LRRC37A2: variants seen among roughly 807,000 people sequenced by gnomAD.
LRRC37A2 encodes the protein leucine-rich repeat-containing protein 37A2.
In LRRC37A2, 9 loss-of-function variants were observed where a neutral mutation model predicts 68.8. The ratio of observed to expected loss-of-function variants is 0.13; its 90% CI spans 0.08 to 0.23. The LOEUF (loss-of-function observed/expected upper bound fraction) is 0.23. LRRC37A2 is among the 10% of genes least tolerant of loss of function. The probability of loss-of-function intolerance (pLI) is 1.00; values close to 1 mark genes in which losing one functional copy is unlikely to be tolerated. For synonymous variants in LRRC37A2, 63 were observed against 367.6 expected (o/e 0.17, Z 9.48); for missense variants, 168 against 950.4 (o/e 0.18, Z 10.82).
the LRRC37A2 span, among the ~76,000 whole-genome samples, chr17:46,994,296 A>G: frequency 6.6e-6 from 1 of 152,042 alleles, no homozygotes; most frequent in Non-Finnish European, 1.5e-5. Flanking sequence ...GAGGCAGAAG[A>G]ATCACTTGAG....
At chr17:46,734,753 A>G in the LRRC37A2 span, among the ~76,000 whole-genome samples, 1 of 152,186 alleles carries the variant, frequency 6.6e-6, no homozygotes, top group Non-Finnish European at 1.5e-5. Context: ...TTAATTTCAA[A>G]TGTATCAAAA....
At chr17:46,755,423 T>A in the LRRC37A2 span, 1 of 1,360,472 alleles carries the variant, frequency 7.4e-7, no homozygotes, top group Admixed American at 1.7e-5. Context: ...CCCTGTTAAA[T>A]CCCTGTGCCT....
chr17:46,728,389 A>AT, the LRRC37A2 span, among the ~76,000 whole-genome samples: 16 of 151,614 alleles, frequency 1.1e-4, no homozygotes, highest in Non-Finnish European at 1.8e-4. Context: ...TACACCTGGA[A>AT]TTTTTTTTTC....
the LRRC37A2 span, among the ~76,000 whole-genome samples, chr17:46,832,239 A>G: frequency 6.6e-6 from 1 of 152,140 alleles, no homozygotes. Context: ...TCCAGAACAC[A>G]AAGCCTCCTC....
chr17:46,884,991 C>T, the LRRC37A2 span: 2 of 435,162 alleles, frequency 4.6e-6, no homozygotes, highest in Admixed American at 2.6e-5. Flanking sequence ...TTTATATTTC[C>T]TTAGCTTTTT....
At chr17:46,760,549 A>G in the LRRC37A2 span, among the ~76,000 whole-genome samples, 1 of 151,114 alleles carries the variant, frequency 6.6e-6, no homozygotes. Context: ...GTAGGAGGTC[A>G]CTTGAGCCCA....
the LRRC37A2 span, among the ~76,000 whole-genome samples, chr17:46,905,999 G>A: frequency 2.0e-5 from 3 of 152,160 alleles, no homozygotes; most frequent in Non-Finnish European, 4.4e-5. Flanking sequence ...ATGGGCTGCC[G>A]ACCTTCTCCC....
At chr17:46,676,479 G>A in the LRRC37A2 span, among the ~76,000 whole-genome samples, 5 of 143,836 alleles carry the variant, frequency 3.5e-5, no homozygotes, top group Admixed American at 2.8e-4. Flanking sequence ...TGATCTGCCC[G>A]CCTTGGCCTC....
the LRRC37A2 span, among the ~76,000 whole-genome samples, chr17:46,840,408 A>G: frequency 2.6e-5 from 4 of 152,314 alleles, no homozygotes; most frequent in African/African-American, 9.6e-5. Flanking sequence ...CCAGTCTATC[A>G]TTGATGGACA....
chr17:46,735,903 C>T, the LRRC37A2 span, among the ~76,000 whole-genome samples: 2 of 152,118 alleles, frequency 1.3e-5, no homozygotes, highest in Admixed American at 6.5e-5. Context: ...TGAGATTGTA[C>T]CACTGCACTC....
the LRRC37A2 span, among the ~76,000 whole-genome samples, chr17:47,034,072 T>C: frequency 2.0e-5 from 3 of 152,212 alleles, no homozygotes; most frequent in Admixed American, 1.3e-4. Flanking sequence ...CACTGGCTCA[T>C]GCCTGTAATC....
chr17:46,631,082 A>ACACACACACACACACACACACACG, the LRRC37A2 span, among the ~76,000 whole-genome samples: 619 of 140,832 alleles, frequency 4.4e-3, no homozygotes, highest in East Asian at 0.018. Flanking sequence ...ACACACACAC[A>ACACACACACACACACACACACACG]CACACACACA....
the LRRC37A2 span, chr17:46,750,028 ATATTACAGGTTG>A: frequency 8.7e-7 from 1 of 1,155,344 alleles, no homozygotes; most frequent in Non-Finnish European, 1.2e-6. Flanking sequence ...GGACCCGGGG[ATATTACAGGTTG>A]TATATACCTT....
the LRRC37A2 span, among the ~76,000 whole-genome samples, chr17:46,954,301 C>A: frequency 6.6e-6 from 1 of 152,316 alleles, no homozygotes; most frequent in Non-Finnish European, 1.5e-5. Context: ...GAATCCTTTT[C>A]CCATTTCTTG....
chr17:46,980,544 C>T, the LRRC37A2 span, among the ~76,000 whole-genome samples: 1 of 151,476 alleles, frequency 6.6e-6, no homozygotes, highest in Non-Finnish European at 1.5e-5. Flanking sequence ...AAAAGTAGGC[C>T]GGGCGCGGTG....
the LRRC37A2 span, among the ~76,000 whole-genome samples, chr17:46,795,030 T>C: frequency 6.6e-6 from 1 of 152,002 alleles, no homozygotes; most frequent in Non-Finnish European, 1.5e-5. Context: ...GGATTACAGG[T>C]GTGAGCCACC....
the LRRC37A2 span, among the ~76,000 whole-genome samples, chr17:46,855,977 C>T: frequency 6.6e-6 from 1 of 152,248 alleles, no homozygotes. Flanking sequence ...GTGTGTGCCA[C>T]CATGCCCGGC....
chr17:46,730,168 AG>A, the LRRC37A2 span, among the ~76,000 whole-genome samples: 3 of 152,160 alleles, frequency 2.0e-5, no homozygotes, highest in Admixed American at 1.3e-4. Context: ...ATATATCTAA[AG>A]TTGCTGAAAC....
the LRRC37A2 span, chr17:47,018,672 A>C: frequency 6.6e-7 from 1 of 1,520,334 alleles, no homozygotes; most frequent in Non-Finnish European, 9.1e-7. Context: ...CCCCTCTCCA[A>C]CCCAGCAGGA....
Sources: gnomAD v4.1 joint callset for allele counts (sites outside exome capture counted in the v4.1 genomes callset) on GRCh38, gnomAD v4.1.1 for gene constraint, MANE v1.5 for transcripts, NCBI Gene and HGNC (gene_info 2026-07-23, HGNC 2026-07-21) for gene names.